ITIH5: variants seen among roughly 807,000 people sequenced by gnomAD.
ITIH5 encodes inter-alpha-trypsin inhibitor heavy chain H5.
A neutral mutation model predicts 77.5 loss-of-function variants in ITIH5; 65 were observed. That is an observed-to-expected ratio of 0.84 (90% CI 0.69 to 1.03). The LOEUF (loss-of-function observed/expected upper bound fraction) is 1.03, where lower values mean the gene tolerates loss of function less well. Among genes scored for constraint, ITIH5 ranks in the 50% least tolerant of loss-of-function variants. The pLI, the probability that ITIH5 is intolerant of heterozygous loss-of-function variation, is 0.00. For synonymous variants in ITIH5, 525 were observed against 494.3 expected (o/e 1.06, Z -0.82); for missense variants, 1,208 against 1,213.1 (o/e 1.00, Z 0.06).
intron 7 of ITIH5, among the ~76,000 whole-genome samples, chr10:7,612,131 C>T (rs956455089): frequency 6.6e-6 from 1 of 152,082 alleles, no homozygotes; most frequent in African/African-American, 2.4e-5. Context: ...AAGAAAATGA[C>T]AGGGCATGCG....
chr10:7,660,119 T>C (rs1392465636), intron 1 of ITIH5, among the ~76,000 whole-genome samples: 1 of 152,088 alleles, frequency 6.6e-6, no homozygotes, highest in Non-Finnish European at 1.5e-5. Flanking sequence ...ACCACAACAT[T>C]TATTGAGAAA....
chr10:7,626,354 G>A (rs1037362115), intron 5 of ITIH5, among the ~76,000 whole-genome samples: 1 of 152,162 alleles, frequency 6.6e-6, no homozygotes, highest in Admixed American at 6.5e-5. Flanking sequence ...CACAGCCAAC[G>A]TCAAAACAAA....
At chr10:7,666,219 A>G (rs1226448760) in intron 1 of ITIH5, among the ~76,000 whole-genome samples, 1 of 152,198 alleles carries the variant, frequency 6.6e-6, no homozygotes, top group Admixed American at 6.5e-5. Context: ...TGCGAGGTTA[A>G]GACATTTGAA....
Position 7,559,990 on chromosome 10 carries a change from T to C in ITIH5, c.*3093A>G, listed in dbSNP as rs1832011576. ...CCTCAGCCTCCCAAGTAGCTGGAAC[T>C]ACAGGCACGCACCACCACGCCCAGC... On this transcript the variant is annotated 3_prime_UTR_variant, in exon 14 of 14. Transcript: ENST00000397146. The C allele has an allele frequency of 2.6e-6, 1 of 385,986 alleles. No individual in the cohort carries two copies. The highest frequency in any genetic ancestry group is 2.2e-5 in the African/African-American group (1 of 46,306). The allele number at this position is 385,986 out of a possible 1,614,324, so 23.9% of individuals were successfully genotyped here.
chr10:7,651,322 G>A (rs1276705250), intron 2 of ITIH5, among the ~76,000 whole-genome samples: 3 of 152,068 alleles, frequency 2.0e-5, no homozygotes, highest in Admixed American at 6.6e-5. Flanking sequence ...GGTGGCTCAC[G>A]CCTGTAATCC....
At position 7,576,553 on chromosome 10, in the gene ITIH5, C is replaced by T. The variant is rs749293954; in HGVS notation, c.1878G>A (p.Pro626=). 9.9e-6 allele frequency: 16 copies of T among 1,613,440 alleles called. No individual in the cohort carries two copies. Among genetic ancestry groups the T allele is most frequent in the East Asian group, 6.7e-5 (3 of 44,892 alleles). The change falls in exon 10 of 14, where the codon CCG becomes CCA. Residue 626 remains proline, a synonymous_variant. Coordinates refer to ENST00000397146, the MANE Select transcript of ITIH5 (RefSeq NM_030569.7). ...CCTCCAGGCCATCCATGCGTGGGAC[C>T]GGCCCCCTCAGCTTCATGGAGGTGA... ...TPFTSMKLRG[P]VPRMDGLEEA... is the part of the protein sequence containing the mutation.
rs1361390158 is a variant in ITIH5, at chr10:7,627,337, A to T, written c.652+9891T>A. Among the ~76,000 whole-genome samples, 374 of 117,038 alleles carry T rather than the reference A, an allele frequency of 3.2e-3. 2 individuals carry two copies. Among genetic ancestry groups the T allele is most frequent in the African/African-American group, 0.011 (353 of 32,282 alleles). The allele number at this position is 117,038 out of a possible 152,430, so 76.8% of individuals were successfully genotyped here. On this transcript the variant is annotated intron_variant, in intron 5 of 13. Transcript: ENST00000397146. ...GAAAATAAGAAGATAAAGTAAAAAA[A>T]AAAAAAAAAAAAATTAAACAGGTTC... is the stretch of plus-strand genomic sequence containing the variant.
At chr10:7,602,060 G>A (rs1350823346) in intron 7 of ITIH5, among the ~76,000 whole-genome samples, 1 of 152,020 alleles carries the variant, frequency 6.6e-6, no homozygotes, top group Non-Finnish European at 1.5e-5. Context: ...CACCATGTTG[G>A]CCAGGCTGGT....
chr10:7,642,014 C>T lies in ITIH5; in HGVS notation c.212G>A (p.Cys71Tyr), dbSNP rs772423415. The T allele has an allele frequency of 5.0e-6, 8 of 1,613,954 alleles. No individual in the cohort carries two copies. The highest frequency in any genetic ancestry group is 5.9e-6 in the Non-Finnish European group (7 of 1,179,818). Residue 71 changes from cysteine (C) to tyrosine (Y), a missense_variant, in exon 3 of 14, where the codon TGC (cysteine) becomes TAC (tyrosine). Transcript: ENST00000397146. Reference protein sequence around the residue: ...ISRYAFTTVSCRMLNRASEDQ... With the variant: ...ISRYAFTTVSYRMLNRASEDQ... ...TTCAGAAGCTCTGTTCAGCATTCTG[C>T]AGGAAACCGTAGTGAAGGCATAACG...
At chr10:7,644,512 T>TATATATCACATATATGTG (rs1564277394) in intron 2 of ITIH5, among the ~76,000 whole-genome samples, 1 of 48,894 alleles carries the variant, frequency 2.0e-5, no homozygotes, top group Non-Finnish European at 3.9e-5. Context: ...ATATATATGA[T>TATATATCACATATATGTG]ATATATCACA....
At chr10:7,580,879 A>G (rs1285652368) in intron 8 of ITIH5, among the ~76,000 whole-genome samples, 1 of 152,018 alleles carries the variant, frequency 6.6e-6, no homozygotes, top group Non-Finnish European at 1.5e-5. Flanking sequence ...GCTTGCCAGA[A>G]CCCCACAGAG....
rs967485142 is a variant in ITIH5 at position 7,559,601 on chromosome 10, G to T, written c.*3482C>A. On this transcript the variant is annotated 3_prime_UTR_variant, in exon 14 of 14. Transcript: ENST00000397146. Reference sequence around the variant, plus strand: ...CTGGGAAGCTTAAAGAACAGAAAAAGAATTAACGTTTTGAATGATTTGGTG... The same window carrying T: ...CTGGGAAGCTTAAAGAACAGAAAAATAATTAACGTTTTGAATGATTTGGTG... 1.9e-5 allele frequency: 5 copies of T among 258,538 alleles called. No individual in the cohort carries two copies. Among genetic ancestry groups the T allele is most frequent in the African/African-American group, 4.6e-5 (2 of 43,502 alleles). 16.0% of individuals were successfully genotyped at this position (258,538 alleles called of 1,614,324 possible).
chr10:7,618,623 T>C (rs182398315), intron 5 of ITIH5: 9 of 152,328 alleles, frequency 5.9e-5, no homozygotes, highest in African/African-American at 1.7e-4. Flanking sequence ...TATCCAGATA[T>C]TGAATCAAAG....
At chr10:7,657,561 G>T (rs1486899117) in intron 1 of ITIH5, among the ~76,000 whole-genome samples, 1 of 152,184 alleles carries the variant, frequency 6.6e-6, no homozygotes, top group East Asian at 1.9e-4. Flanking sequence ...CCCTGAAAAT[G>T]TGGTTCGGTT....
intron 1 of ITIH5, among the ~76,000 whole-genome samples, chr10:7,665,960 CAG>C (rs1272776773): frequency 2.0e-5 from 3 of 152,212 alleles, no homozygotes; most frequent in African/African-American, 4.8e-5. Context: ...CTCTTCAAAA[CAG>C]GGGCTGGAAA....
intron 5 of ITIH5, among the ~76,000 whole-genome samples, chr10:7,629,717 A>C (rs1258520898): frequency 6.6e-6 from 1 of 152,108 alleles, no homozygotes; most frequent in Admixed American, 6.5e-5. Context: ...TTTTCCATTC[A>C]CCTGTTCAGG....
intron 7 of ITIH5, among the ~76,000 whole-genome samples, chr10:7,597,570 TACCCCA>T (rs1440760406): frequency 2.2e-5 from 3 of 137,388 alleles, no homozygotes; most frequent in African/African-American, 7.8e-5. Context: ...ACCCCCTCTG[TACCCCA>T]GAGACACCCG....
At chr10:7,588,048 A>C (rs1832717787) in intron 7 of ITIH5, among the ~76,000 whole-genome samples, 1 of 152,204 alleles carries the variant, frequency 6.6e-6, no homozygotes, top group Non-Finnish European at 1.5e-5. Context: ...AGGAACCTCA[A>C]ATTCTACTTC....
At chr10:7,610,881 C>T (rs969744774) in intron 7 of ITIH5, among the ~76,000 whole-genome samples, 2 of 152,218 alleles carry the variant, frequency 1.3e-5, no homozygotes, top group East Asian at 3.8e-4. Context: ...GCATGCCAGA[C>T]TTTCAGTGGC....
Sources: gnomAD v4.1 joint callset for allele counts (sites outside exome capture counted in the v4.1 genomes callset) on GRCh38, gnomAD v4.1.1 for gene constraint, MANE v1.5 for transcripts, NCBI Gene and HGNC (gene_info 2026-07-23, HGNC 2026-07-21) for gene names.